Variants in NXPE2 observed in about 807,000 individuals in gnomAD.
NXPE2 encodes neurexophilin and PC-esterase domain family member 2, also known as NXPE family member 2.
A neutral mutation model predicts 34.4 loss-of-function variants in NXPE2; 34 were observed. The observed-to-expected ratio is 0.99, with a 90% confidence interval of 0.75 to 1.31. NXPE2 has a LOEUF of 1.31. Among genes scored for constraint, NXPE2 ranks in the 40% most tolerant of loss-of-function variants. The pLI, the probability that NXPE2 is intolerant of heterozygous loss-of-function variation, is 0.00. For synonymous variants in NXPE2, 235 were observed against 231.3 expected (o/e 1.02, Z -0.15); for missense variants, 649 against 672.5 (o/e 0.97, Z 0.39).
chr11:114,786,183 G>A, the NXPE2 span, among the ~76,000 whole-genome samples: 6 of 152,178 alleles, frequency 3.9e-5, no homozygotes, highest in Non-Finnish European at 5.9e-5. Context: ...CCTGCATTGC[G>A]GTGCTGATCC....
the NXPE2 span, among the ~76,000 whole-genome samples, chr11:114,498,769 T>C: frequency 6.6e-6 from 1 of 152,136 alleles, no homozygotes; most frequent in Non-Finnish European, 1.5e-5. Context: ...TGTGACTAAT[T>C]AATTGACTGG....
chr11:114,486,436 C>A, the NXPE2 span, among the ~76,000 whole-genome samples: 1 of 152,062 alleles, frequency 6.6e-6, no homozygotes, highest in Non-Finnish European at 1.5e-5. Context: ...ATATTTTCTC[C>A]CATTCTGTGG....
chr11:114,802,195 G>A, the NXPE2 span, among the ~76,000 whole-genome samples: 1 of 152,154 alleles, frequency 6.6e-6, no homozygotes, highest in African/African-American at 2.4e-5. Flanking sequence ...TCTGACCTCA[G>A]GGACAACAAC....
chr11:114,671,936 C>T, the NXPE2 span, among the ~76,000 whole-genome samples: 28 of 152,048 alleles, frequency 1.8e-4, no homozygotes, highest in South Asian at 8.3e-4. Flanking sequence ...GAGGTTTAAT[C>T]GGCTTATGTT....
chr11:114,743,946 T>C, the NXPE2 span, among the ~76,000 whole-genome samples: 1 of 151,654 alleles, frequency 6.6e-6, no homozygotes, highest in Non-Finnish European at 1.5e-5. Flanking sequence ...TATATTTATA[T>C]ATGCATATAT....
rs1950917370 is a variant in NXPE2, at chr11:114,679,742, G to T, written c.112G>T (p.Ala38Ser). The T allele has an allele frequency of 6.5e-7, 1 of 1,547,546 alleles. No individual in the cohort carries two copies. Among genetic ancestry groups the T allele is most frequent in the Non-Finnish European group, 8.7e-7 (1 of 1,143,870 alleles). The change falls in exon 2 of 6, where the codon GCT (alanine) becomes TCT (serine). Residue 38 changes from alanine (A) to serine (S), a missense_variant. By Grantham distance (99) the Ala-to-Ser change is moderately conservative. Coordinates refer to ENST00000389586, the MANE Select transcript of NXPE2 (RefSeq NM_182495.6). ...FILIFWIIYL[A>S]SKDHTKFSFN... ...CTTAATTTTCTGGATCATTTACTTG[G>T]CTTCAAAAGACCACACAAAGGTAGG...
the NXPE2 span, among the ~76,000 whole-genome samples, chr11:114,469,358 C>A: frequency 6.6e-6 from 1 of 151,580 alleles, no homozygotes; most frequent in Non-Finnish European, 1.5e-5. Flanking sequence ...TGCGATCCGC[C>A]TGCCTCAGCC....
downstream of NXPE2, among the ~76,000 whole-genome samples, chr11:114,708,840 A>G (rs530656913): frequency 1.8e-4 from 28 of 152,296 alleles, no homozygotes; most frequent in Admixed American, 1.0e-3. Context: ...AATTGCTTAA[A>G]TGAGTTATCG....
chr11:114,637,085 C>T, the NXPE2 span, among the ~76,000 whole-genome samples: 63 of 151,750 alleles, frequency 4.2e-4, no homozygotes, highest in African/African-American at 1.1e-3. Flanking sequence ...CCATTATTAA[C>T]GTGTGGGAGT....
chr11:114,749,998 C>G, the NXPE2 span, among the ~76,000 whole-genome samples: 1 of 152,106 alleles, frequency 6.6e-6, no homozygotes, highest in African/African-American at 2.4e-5. Context: ...CCAAGATGCT[C>G]CCTGCCCTCC....
the NXPE2 span, among the ~76,000 whole-genome samples, chr11:114,617,161 C>G: frequency 6.6e-6 from 1 of 151,812 alleles, no homozygotes; most frequent in African/African-American, 2.4e-5. Context: ...TGTGGGTAAC[C>G]ATTGTTACCC....
At chr11:114,482,957 T>C in the NXPE2 span, among the ~76,000 whole-genome samples, 1 of 152,306 alleles carries the variant, frequency 6.6e-6, no homozygotes, top group South Asian at 2.1e-4. Context: ...GCTCCCAGCA[T>C]CCAGCTACTA....
At chr11:114,602,356 T>G in the NXPE2 span, among the ~76,000 whole-genome samples, 2 of 126,902 alleles carry the variant, frequency 1.6e-5, no homozygotes, top group Non-Finnish European at 3.1e-5. Context: ...ATATACTATA[T>G]ATAATATGTT....
At chr11:114,653,364 G>A in the NXPE2 span, among the ~76,000 whole-genome samples, 15 of 152,070 alleles carry the variant, frequency 9.9e-5, no homozygotes, top group East Asian at 2.9e-3. Context: ...TAAGCTCAAC[G>A]GTTTTGTTGT....
At chr11:114,531,902 A>G in the NXPE2 span, among the ~76,000 whole-genome samples, 3 of 152,220 alleles carry the variant, frequency 2.0e-5, no homozygotes, top group African/African-American at 7.2e-5. Context: ...GCTGGTAGTC[A>G]GAAACACCGG....
chr11:114,732,401 A>G, the NXPE2 span, among the ~76,000 whole-genome samples: 7 of 152,268 alleles, frequency 4.6e-5, no homozygotes, highest in African/African-American at 1.2e-4. Context: ...TTTCTGTTCA[A>G]CTTCTCCCTC....
the NXPE2 span, among the ~76,000 whole-genome samples, chr11:114,484,094 G>A: frequency 6.6e-6 from 1 of 152,106 alleles, no homozygotes; most frequent in Non-Finnish European, 1.5e-5. Context: ...TCTTCCTGAT[G>A]ACTGAGCCCC....
chr11:114,636,059 C>T, the NXPE2 span, among the ~76,000 whole-genome samples: 1 of 149,754 alleles, frequency 6.7e-6, no homozygotes, highest in African/African-American at 2.5e-5. Flanking sequence ...CCTCCTTGTA[C>T]CTCTGGTAGA....
chr11:114,534,275 ACCC>A, the NXPE2 span, among the ~76,000 whole-genome samples: 1 of 152,108 alleles, frequency 6.6e-6, no homozygotes, highest in Admixed American at 6.6e-5. Context: ...CACACCCAAA[ACCC>A]ATCTGTACAT....
Sources: gnomAD v4.1 joint callset for allele counts (sites outside exome capture counted in the v4.1 genomes callset) on GRCh38, gnomAD v4.1.1 for gene constraint, MANE v1.5 for transcripts, NCBI Gene and HGNC (gene_info 2026-07-23, HGNC 2026-07-21) for gene names.